Variants in TNK2 observed in about 807,000 individuals in gnomAD.
The protein encoded by TNK2 is activated CDC42 kinase 1.
Under a neutral mutation model 101.8 loss-of-function variants are expected in TNK2, and 83 were observed. The observed-to-expected ratio is 0.82, with a 90% CI of 0.68 to 0.98. The LOEUF is 0.98. TNK2 is among the 50% of genes least tolerant of loss of function. TNK2 has a pLI of 0.00. For missense variants in TNK2, 1,665 were observed against 1,483.2 expected (o/e 1.12, Z -2.01); for synonymous variants, 804 against 633.0 (o/e 1.27, Z -4.06).
In TNK2 at chr3:195,878,260, C is replaced by T; in HGVS notation, c.1249G>A (p.Glu417Lys). 2.5e-6 allele frequency: 4 copies of T among 1,614,136 alleles called. No homozygotes were observed. The highest frequency in any genetic ancestry group is 3.4e-6 in the Non-Finnish European group (4 of 1,180,020). ...IQMNDVITVIEGRAENYWWRG... is the reference protein window; with the variant it reads ...IQMNDVITVIKGRAENYWWRG... ...CAGCCCTGCACTCCCTACCTTCCCT[C>T]GATGACGGTGATGACATCATTCATC... Residue 417 changes from glutamate (E) to lysine (K), a missense_variant, in exon 9 of 16, where the codon GAG becomes AAG. Physicochemically the swap from Glu to Lys is moderately conservative, Grantham distance 56. Transcript: ENST00000672887. This position sits in a 1 kb window ranked among gnomAD's most constrained non-coding sequence, Gnocchi z 4.7.
In TNK2 at chr3:195,872,428, C is replaced by T. The variant is rs967057625; in HGVS notation, c.1299G>A (p.Leu433=). 4 of 1,611,566 alleles carry T rather than the reference C, an allele frequency of 2.5e-6. No homozygotes were observed. The highest frequency in any genetic ancestry group is 3.3e-5 in the Admixed American group (2 of 59,822). ...YWWRGQNTRT[L]CVGPFPRNVV... is the part of the protein sequence containing the mutation. The stretch of plus-strand genomic sequence containing the variant: ...CGTTGCGAGGGAAGGGCCCCACACA[C>T]AGCGTCCGTGTGTTCTGGCCACGCC... Residue 433 remains leucine (L), a synonymous_variant, in exon 10 of 16, where the codon CTG becomes CTA. Transcript: ENST00000672887.
At position 195,867,793 on chromosome 3, in the gene TNK2, G is replaced by C; in HGVS notation, c.2505C>G (p.Ser835Arg). The change falls in exon 13 of 16, where the codon AGC becomes AGG. Residue 835 changes from serine to arginine, a missense_variant. Around this residue, in one of 3 missense-constraint regions of TNK2, gnomAD observed 1,136 missense variants for 894.9 expected, o/e 1.27. Coordinates refer to ENST00000672887, the MANE Select transcript of TNK2 (RefSeq NM_001382273.1). ...TGGCGTACTTGGGGTCTGAGGCAAA[G>C]CTCTGGGTGGTGGGCATGGTCTTCC... ...SPGKTMPTTQ[S>R]FASDPKYATP... 1 of 1,568,340 alleles carries C rather than the reference G, an allele frequency of 6.4e-7. No individual in the cohort carries two copies.
chr3:195,876,088 C>A (rs963668034), intron 9 of TNK2, among the ~76,000 whole-genome samples: 6 of 152,224 alleles, frequency 3.9e-5, no homozygotes, highest in Non-Finnish European at 5.9e-5. Flanking sequence ...AGGGCCAGAC[C>A]AGGCCAAGGA....
At chr3:195,889,520 G>A (rs1216702360) in intron 1 of TNK2, among the ~76,000 whole-genome samples, 5 of 152,144 alleles carry the variant, frequency 3.3e-5, no homozygotes, top group Admixed American at 6.5e-5. Context: ...GTCCCTACAC[G>A]AATATTCACG....
rs1470061783 is a variant in TNK2 at position 195,867,069 on chromosome 3, TG to T, written c.3034-54del. On this transcript the variant is annotated intron_variant, in intron 14 of 15. Coordinates refer to ENST00000672887, the MANE Select transcript of TNK2 (RefSeq NM_001382273.1). ...CGCGGGCCCAGGGCACCGACTAGGG[TG>T]GGGAAGAGGGGAGTCGGAGCCAGGG... is the stretch of plus-strand genomic sequence containing the variant. The T allele has an allele frequency of 8.6e-5, 139 of 1,608,510 alleles. 1 individual carries two copies. The highest frequency in any genetic ancestry group is 1.7e-4 in the Admixed American group (10 of 59,830).
At chr3:195,867,060 C>A (rs767438078) in intron 14 of TNK2, 44 bp from the exon 15 acceptor site, 1 of 1,610,200 alleles carries the variant, frequency 6.2e-7, no homozygotes, top group Non-Finnish European at 8.5e-7. Context: ...CCCAGGGCAC[C>A]GACTAGGGTG....
intron 9 of TNK2, chr3:195,876,754 G>C (rs1411885924): frequency 2.4e-6 from 1 of 415,394 alleles, no homozygotes; most frequent in Non-Finnish European, 4.8e-6. Context: ...TTCGACGGAA[G>C]GGCGGGGCGG....
intron 1 of TNK2, among the ~76,000 whole-genome samples, chr3:195,890,509 G>C (rs1361170815): frequency 7.1e-6 from 1 of 141,580 alleles, no homozygotes; most frequent in Non-Finnish European, 1.5e-5. Context: ...GGAGTACAAT[G>C]GTATGATCTT....
At chr3:195,889,332 A>C (rs1294697088) in intron 1 of TNK2, among the ~76,000 whole-genome samples, 2 of 152,206 alleles carry the variant, frequency 1.3e-5, no homozygotes, top group African/African-American at 4.8e-5. Flanking sequence ...TTCAAGAAAT[A>C]AATCCCAATT....
rs1464655598 is a variant in TNK2 at position 195,867,666 on chromosome 3, G to A, written c.2632C>T (p.Pro878Ser). 1 of 1,606,480 alleles carries A rather than the reference G, an allele frequency of 6.2e-7. No homozygotes were observed. The highest frequency in any genetic ancestry group is 8.5e-7 in the Non-Finnish European group (1 of 1,179,602). Residue 878 changes from proline to serine, a missense_variant, in exon 13 of 16, where the codon CCC becomes TCC. Physicochemically the swap from Pro to Ser is moderately conservative, Grantham distance 74 (BLOSUM62 -1). This residue lies in a region of TNK2 where 1,136 missense variants were observed against 894.9 expected (regional missense o/e 1.27). Coordinates refer to ENST00000672887, the MANE Select transcript of TNK2 (RefSeq NM_001382273.1). ...KVSSTHYYLL[P>S]ERPSYLERYQ... ...CGCTCCAGGTAGGATGGTCGCTCGG[G>A]CAGCAAGTAATAGTGGGTGCTGCTG...
intron 9 of TNK2, chr3:195,876,447 G>C: frequency 2.2e-6 from 1 of 456,788 alleles, no homozygotes; most frequent in Non-Finnish European, 4.4e-6. Context: ...GACTCACACA[G>C]AGCCATCCGC....
At chr3:195,890,224 GCACAGCCCC>G (rs1757812991) in intron 1 of TNK2, among the ~76,000 whole-genome samples, 1 of 152,196 alleles carries the variant, frequency 6.6e-6, no homozygotes, top group Admixed American at 6.5e-5. Flanking sequence ...TCATGAGGCT[GCACAGCCCC>G]CTATGGGACA....
Position 195,879,059 on chromosome 3 carries a change from T to C in TNK2, c.1004A>G (p.Asn335Ser), listed in dbSNP as rs1322872022. 6.2e-7 allele frequency: 1 copy of C among 1,613,536 alleles called. No individual in the cohort carries two copies. The highest frequency in any genetic ancestry group is 1.1e-5 in the South Asian group (1 of 91,088). ...TCTCCCAGCCCTCACCTGACTGCCG[T>C]TGAGGCCGATCCAGGGCTCCTGGCC... ...TYGQEPWIGL[N>S]GSQILHKIDK... is the part of the protein sequence containing the mutation. The change falls in exon 7 of 16, where the codon AAC becomes AGC. Residue 335 changes from asparagine to serine, a missense_variant. Asn to Ser is a conservative substitution (Grantham distance 46). Around this residue, in one of 3 missense-constraint regions of TNK2, gnomAD observed 490 missense variants for 522.5 expected, o/e 0.94. Transcript: ENST00000672887.
chr3:195,866,737 T>C (rs1291508821), intron 15 of TNK2, 152 bp downstream of exon 15: 1 of 1,138,442 alleles, frequency 8.8e-7, no homozygotes, highest in Non-Finnish European at 1.2e-6. Flanking sequence ...AACGATTTGC[T>C]GGGCCCTGTG....
intron 15 of TNK2, among the ~76,000 whole-genome samples, chr3:195,865,467 G>A (rs1029677377): frequency 1.4e-5 from 2 of 147,916 alleles, no homozygotes; most frequent in Non-Finnish European, 3.0e-5. Flanking sequence ...AGGTGACACC[G>A]AGTGCCTGCA....
chr3:195,876,282 A>C (rs1749193797), intron 9 of TNK2, among the ~76,000 whole-genome samples: 1 of 152,222 alleles, frequency 6.6e-6, no homozygotes, highest in Non-Finnish European at 1.5e-5. Context: ...GACTGAGCCT[A>C]GACTCAGTCA....
chr3:195,892,409 A>G, intron 1 of TNK2: 1 of 1,529,594 alleles, frequency 6.5e-7, no homozygotes, highest in Non-Finnish European at 8.7e-7. Flanking sequence ...CCCCCCACTC[A>G]CTGTGTACAG....
At position 195,904,915 on chromosome 3, in the gene TNK2, T is replaced by A. The variant is rs560820285; in HGVS notation, c.-19+3570A>T. On this transcript the variant is annotated intron_variant, in intron 1 of 15. Coordinates refer to ENST00000672887, the MANE Select transcript of TNK2 (RefSeq NM_001382273.1). ...CAGAAGGCTCAATACTGCTAACCGATCAATTCTCCCCAAATTGATCATAAT... is the reference window on the plus strand; with the variant it reads ...CAGAAGGCTCAATACTGCTAACCGAACAATTCTCCCCAAATTGATCATAAT... 5.3e-5 allele frequency among the ~76,000 whole-genome samples: 8 copies of A among 152,304 alleles called. No homozygotes were observed. In the East Asian group the frequency reaches 1.5e-3, roughly 29 times the overall value.
intron 1 of TNK2, chr3:195,896,338 C>T (rs1206423617): frequency 6.5e-6 from 2 of 308,488 alleles, no homozygotes; most frequent in African/African-American, 2.3e-5. Context: ...GTGACCTCTC[C>T]TCCCCACGCA....
Sources: allele counts gnomAD v4.1 joint callset (sites outside exome capture counted in the v4.1 genomes callset), GRCh38; gene constraint gnomAD v4.1.1; regional missense constraint gnomAD v4.1.1; non-coding constraint Gnocchi (gnomAD v3.1); transcripts MANE v1.5; gene names NCBI Gene and HGNC (gene_info 2026-07-23, HGNC 2026-07-21).